NF2: variants seen among roughly 807,000 people sequenced by gnomAD.
The protein encoded by NF2 is merlin.
In NF2, 8 loss-of-function variants were observed where a neutral mutation model predicts 83.7. The observed-to-expected ratio is 0.10, with a 90% confidence interval of 0.06 to 0.17. The LOEUF is 0.17. Among genes scored for constraint, NF2 ranks in the 10% least tolerant of loss-of-function variants. The pLI, the probability that NF2 is intolerant of heterozygous loss-of-function variation, is 1.00. For synonymous variants in NF2, 266 were observed against 269.6 expected, an observed-to-expected ratio of 0.99 and a Z score of 0.13; for missense variants, 533 against 744.4, an observed-to-expected ratio of 0.72 and a Z score of 3.31.
At chr22:29,676,067 C>CAGCAAGGTGA (rs1313311611) in intron 13 of NF2, among the ~76,000 whole-genome samples, 2 of 152,182 alleles carry the variant, frequency 1.3e-5, no homozygotes. Flanking sequence ...CTGGGGATCT[C>CAGCAAGGTGA]TCTGGTGGTC....
At position 29,671,819 on chromosome 22, in the gene NF2, C is replaced by G. The variant is rs776237839; in HGVS notation, c.1000-7C>G. On this transcript the variant is annotated splice_polypyrimidine_tract_variant and splice_region_variant and intron_variant, in intron 10 of 15. Transcript: ENST00000338641. Reference sequence around the variant, plus strand: ...ATTCAATGACTGTTTTTCTTCACCCCTCGCAGATGGAGCGGCAGCGCCTCG... The same window carrying G: ...ATTCAATGACTGTTTTTCTTCACCCGTCGCAGATGGAGCGGCAGCGCCTCG... 59 of 1,613,810 alleles carry G rather than the reference C, an allele frequency of 3.7e-5. No homozygotes were observed. The Middle Eastern group carries it at 2.0e-3, about 54-fold the overall frequency.
At chr22:29,661,376 T>A (rs759816807) in intron 8 of NF2, 37 bp downstream of exon 8, 3 of 1,611,138 alleles carry the variant, frequency 1.9e-6, no homozygotes, top group Non-Finnish European at 2.5e-6. Flanking sequence ...GTCCAGCAGA[T>A]CTTTCCCTGT....
intron 13 of NF2, among the ~76,000 whole-genome samples, chr22:29,676,827 G>T (rs144370519): frequency 2.0e-3 from 311 of 152,332 alleles, no homozygotes; most frequent in African/African-American, 7.0e-3. Context: ...CACTAGTGGT[G>T]CAGCAACTAG....
chr22:29,676,030 G>A (rs368689448), intron 13 of NF2, among the ~76,000 whole-genome samples: 1 of 152,148 alleles, frequency 6.6e-6, no homozygotes, highest in Non-Finnish European at 1.5e-5. Context: ...GGCTTGTTGG[G>A]TTGACTGGGC....
At chr22:29,639,348 C>A in intron 3 of NF2, 136 bp downstream of exon 3, 1 of 1,113,962 alleles carries the variant, frequency 9.0e-7, no homozygotes, top group Non-Finnish European at 1.3e-6. Context: ...CCCTTTGGTT[C>A]TGTAATGGAA....
At chr22:29,668,007 G>A (rs769661034) in intron 9 of NF2, among the ~76,000 whole-genome samples, 119 of 152,210 alleles carry the variant, frequency 7.8e-4, no homozygotes, top group Non-Finnish European at 1.5e-3. Flanking sequence ...CTTACTGAAC[G>A]AGCTTTCCTA....
intron 1 of NF2, among the ~76,000 whole-genome samples, chr22:29,626,368 G>A (rs986847768): frequency 3.3e-5 from 5 of 151,664 alleles, no homozygotes; most frequent in Admixed American, 2.6e-4. Context: ...TGGCCAGGAT[G>A]GTCTCGATCT....
chr22:29,609,090 A>G (rs1441967079), intron 1 of NF2: 9 of 745,764 alleles, frequency 1.2e-5, no homozygotes, highest in East Asian at 2.5e-5. Flanking sequence ...GCCAATCAGT[A>G]CATCTTTCAT....
intron 6 of NF2, among the ~76,000 whole-genome samples, chr22:29,656,179 A>G (rs761817644): frequency 1.3e-5 from 2 of 151,938 alleles, no homozygotes; most frequent in Non-Finnish European, 2.9e-5. Flanking sequence ...GCTCAAAGCA[A>G]TCTGCCCACC....
intron 9 of NF2, among the ~76,000 whole-genome samples, chr22:29,666,392 G>A (rs879669586): frequency 4.1e-4 from 62 of 152,046 alleles, no homozygotes; most frequent in Non-Finnish European, 6.3e-4. Flanking sequence ...GCCCACCTTG[G>A]CCTCCCAAAG....
At chr22:29,639,065 T>G (rs1390628166) in intron 2 of NF2, 25 bp from the exon 3 acceptor site, 1 of 1,614,220 alleles carries the variant, frequency 6.2e-7, no homozygotes, top group Non-Finnish European at 8.5e-7. Context: ...ATAGTGTGTT[T>G]GTCTTTTGCT....
Position 29,628,436 on chromosome 22 carries a change from G to T in NF2, c.115-8315G>T, listed in dbSNP as rs190111294. Reference sequence around the variant, plus strand: ...TGGGTTGTAATAAGGTAGGGTAATTGGTTGAAGGAGGGAGGAAGAAATTGG... The same window carrying T: ...TGGGTTGTAATAAGGTAGGGTAATTTGTTGAAGGAGGGAGGAAGAAATTGG... On this transcript the variant is annotated intron_variant, in intron 1 of 15. Transcript: ENST00000338641. Among the ~76,000 whole-genome samples, 8 of 152,056 alleles carry T rather than the reference G, an allele frequency of 5.3e-5. No homozygotes were observed. In the South Asian group the frequency reaches 6.2e-4, roughly 12 times the overall value.
chr22:29,610,078 C>T (rs1486639246), intron 1 of NF2, among the ~76,000 whole-genome samples: 2 of 151,824 alleles, frequency 1.3e-5, no homozygotes, highest in Non-Finnish European at 2.9e-5. Flanking sequence ...TGGCTGTTGC[C>T]TGTAATCTCA....
intron 1 of NF2, among the ~76,000 whole-genome samples, chr22:29,605,617 C>CT (rs974150377): frequency 6.6e-6 from 1 of 151,986 alleles, no homozygotes; most frequent in Admixed American, 6.6e-5. Context: ...CCCAAAAATT[C>CT]TTTTTTTAAA....
intron 1 of NF2, among the ~76,000 whole-genome samples, chr22:29,627,331 C>G (rs569896412): frequency 6.6e-6 from 1 of 152,124 alleles, no homozygotes; most frequent in Admixed American, 6.5e-5. Flanking sequence ...AGCTGTTTGA[C>G]TATATGAGCT....
chr22:29,678,392 C>T (rs2067031846), intron 14 of NF2, 69 bp downstream of exon 14: 2 of 1,595,344 alleles, frequency 1.3e-6, no homozygotes, highest in Non-Finnish European at 1.7e-6. Context: ...CCTTGGGAAG[C>T]TGGGGCAGAG....
intron 15 of NF2, among the ~76,000 whole-genome samples, chr22:29,692,771 C>T (rs765419345): frequency 1.5e-4 from 23 of 152,184 alleles, no homozygotes; most frequent in African/African-American, 3.6e-4. Context: ...AGGGGAGAAA[C>T]GTGATGTTGC....
chr22:29,633,842 G>A (rs1569278460), intron 1 of NF2, among the ~76,000 whole-genome samples: 1 of 152,198 alleles, frequency 6.6e-6, no homozygotes, highest in Non-Finnish European at 1.5e-5. Flanking sequence ...GCAGAACACT[G>A]CTTCCACCAT....
At chr22:29,642,322 G>T (rs565668239) in intron 4 of NF2, 37 bp downstream of exon 4, 7 of 1,536,772 alleles carry the variant, frequency 4.6e-6, no homozygotes, top group Non-Finnish European at 5.4e-6. Context: ...TTTCCTGGGC[G>T]TTAATTTGGG....
Sources: allele counts gnomAD v4.1 joint callset (sites outside exome capture counted in the v4.1 genomes callset), GRCh38; gene constraint gnomAD v4.1.1; transcripts MANE v1.5; gene names NCBI Gene and HGNC (gene_info 2026-07-23, HGNC 2026-07-21).